ZC3H12B: variants seen among roughly 807,000 people sequenced by gnomAD.
The protein encoded by ZC3H12B is probable ribonuclease ZC3H12B.
In ZC3H12B, 7 loss-of-function variants were observed where a neutral mutation model predicts 43.9. That is an observed-to-expected ratio of 0.16 (90% CI 0.09 to 0.30). The LOEUF is 0.30. Among genes scored for constraint, ZC3H12B ranks in the 10% least tolerant of loss-of-function variants. The pLI is 1.00. For synonymous variants in ZC3H12B, 222 were observed against 241.7 expected (o/e 0.92, Z 0.76); for missense variants, 475 against 670.2 (o/e 0.71, Z 3.22).
the ZC3H12B span, among the ~76,000 whole-genome samples, chrX:65,053,215 G>A: frequency 2.7e-5 from 3 of 110,178 alleles, no homozygotes; most frequent in Non-Finnish European, 3.8e-5. Context: ...CCATTAACTC[G>A]CTATTTACAT....
chrX:65,071,672 C>T, the ZC3H12B span, among the ~76,000 whole-genome samples: 3 of 111,698 alleles, frequency 2.7e-5, no homozygotes, highest in Admixed American at 2.8e-4. Context: ...TAAGCATTTG[C>T]TTTTCTGGAA....
At chrX:65,040,317 A>T in the ZC3H12B span, among the ~76,000 whole-genome samples, 218 of 109,136 alleles carry the variant, frequency 2.0e-3, 1 homozygote, top group Non-Finnish European at 2.7e-3. Context: ...AAATGTGCAC[A>T]TAGATCCTTA....
At chrX:65,047,835 A>T in the ZC3H12B span, among the ~76,000 whole-genome samples, 1 of 110,666 alleles carries the variant, frequency 9.0e-6, no homozygotes, top group East Asian at 2.8e-4. Flanking sequence ...CTACTCTGCC[A>T]GTCTCTATCT....
At chrX:65,116,821 C>T in the ZC3H12B span, among the ~76,000 whole-genome samples, 1 of 110,730 alleles carries the variant, frequency 9.0e-6, no homozygotes. Context: ...GTTTGGTTTT[C>T]TGTTCTTGTG....
Position 65,383,625 on chromosome X carries a change from C to T in ZC3H12B, n.295+14627C>T, listed in dbSNP as rs2066476679. Among the ~76,000 whole-genome samples the T allele has an allele frequency of 2.7e-5, 3 of 110,993 alleles. No homozygotes were observed. The South Asian group carries it at 1.1e-3, about 42-fold the overall frequency. On this transcript the variant is annotated intron_variant and non_coding_transcript_variant, in intron 2 of 5. Coordinates refer to the ZC3H12B transcript ENST00000617377. ...AATGGGATCTAATTAAACTAAAGAGCTTCTGCACAGCAAAAGAAACTACCA... is the reference window on the plus strand; with the variant it reads ...AATGGGATCTAATTAAACTAAAGAGTTTCTGCACAGCAAAAGAAACTACCA...
chrX:65,420,890 C>A (rs970088643), intron 3 of ZC3H12B, among the ~76,000 whole-genome samples: 1 of 112,314 alleles, frequency 8.9e-6, no homozygotes, highest in Non-Finnish European at 1.9e-5. Context: ...TTCTCTAGTA[C>A]CTGATATTCA....
the ZC3H12B span, among the ~76,000 whole-genome samples, chrX:65,059,664 C>T: frequency 9.0e-6 from 1 of 111,192 alleles, no homozygotes; most frequent in Non-Finnish European, 1.9e-5. Flanking sequence ...AATGTGATTC[C>T]TCTAATTTTC....
At chrX:65,293,866 C>A in the ZC3H12B span, among the ~76,000 whole-genome samples, 1 of 111,430 alleles carries the variant, frequency 9.0e-6, no homozygotes, top group South Asian at 3.7e-4. Flanking sequence ...TGTTGAATGA[C>A]CAAACCTAAG....
At chrX:65,353,581 C>T in the ZC3H12B span, among the ~76,000 whole-genome samples, 1 of 111,890 alleles carries the variant, frequency 8.9e-6, no homozygotes, top group Non-Finnish European at 1.9e-5. Flanking sequence ...TTTCTTCATA[C>T]CCCAGTGACG....
At chrX:65,143,754 C>A in the ZC3H12B span, among the ~76,000 whole-genome samples, 5 of 107,493 alleles carry the variant, frequency 4.7e-5, no homozygotes, top group African/African-American at 1.7e-4. Flanking sequence ...TTTTTAATAG[C>A]GGTGGGGTTT....
chrX:65,411,938 A>G (rs12846777), intron 3 of ZC3H12B, among the ~76,000 whole-genome samples: 1 of 109,945 alleles, frequency 9.1e-6, no homozygotes, highest in Admixed American at 9.7e-5. Flanking sequence ...ATAAATAAAA[A>G]CAATATTACA....
chrX:65,117,773 T>C, the ZC3H12B span, among the ~76,000 whole-genome samples: 1 of 112,103 alleles, frequency 8.9e-6, no homozygotes, highest in Non-Finnish European at 1.9e-5. Context: ...TTCAGCTTTC[T>C]ACATATGGCT....
At chrX:65,491,287 C>A (rs754821082) in intron 1 of ZC3H12B, among the ~76,000 whole-genome samples, 10 of 112,026 alleles carry the variant, frequency 8.9e-5, no homozygotes, top group Admixed American at 2.8e-4. Context: ...TGAAGAGATT[C>A]AGGTTCAGAG....
chrX:65,436,836 G>A (rs752949056), intron 3 of ZC3H12B, among the ~76,000 whole-genome samples: 14 of 111,245 alleles, frequency 1.3e-4, no homozygotes, highest in African/African-American at 2.0e-4. Flanking sequence ...TTTGTGTTAC[G>A]AACATTCCAA....
At chrX:65,372,096 T>C (rs983641427) in intron 2 of ZC3H12B, among the ~76,000 whole-genome samples, 1 of 111,948 alleles carries the variant, frequency 8.9e-6, no homozygotes, top group African/African-American at 3.2e-5. Context: ...ATGTGTAGTT[T>C]CTGGGGAAGC....
chrX:65,485,089 C>G (rs1447212533), upstream of ZC3H12B, among the ~76,000 whole-genome samples: 1 of 112,183 alleles, frequency 8.9e-6, no homozygotes, highest in Non-Finnish European at 1.9e-5. Context: ...TAGGCAAGCT[C>G]TGTATCTTCC....
At chrX:65,205,377 C>A in the ZC3H12B span, among the ~76,000 whole-genome samples, 1 of 111,425 alleles carries the variant, frequency 9.0e-6, no homozygotes, top group African/African-American at 3.3e-5. Flanking sequence ...ACTTGAATGA[C>A]AGTCAAAGGG....
chrX:65,220,633 G>A, the ZC3H12B span, among the ~76,000 whole-genome samples: 1 of 111,982 alleles, frequency 8.9e-6, no homozygotes, highest in African/African-American at 3.2e-5. Flanking sequence ...AAAAGGACTA[G>A]TTCAGCAGGA....
the ZC3H12B span, among the ~76,000 whole-genome samples, chrX:65,268,530 A>G: frequency 6.2e-5 from 7 of 112,517 alleles, no homozygotes; most frequent in African/African-American, 2.3e-4. Flanking sequence ...TTAGCAAATC[A>G]AATTCAATAT....
Sources: allele counts gnomAD v4.1 joint callset (sites outside exome capture counted in the v4.1 genomes callset), GRCh38; gene constraint gnomAD v4.1.1; transcripts MANE v1.5; gene names NCBI Gene and HGNC (gene_info 2026-07-23, HGNC 2026-07-21).